DGKI: variants seen among roughly 807,000 people sequenced by gnomAD.
DGKI encodes the protein diacylglycerol kinase iota.
DGKI carries 55 observed loss-of-function variants against 147.5 expected under a neutral mutation model. The observed-to-expected ratio is 0.37, with a 90% CI of 0.30 to 0.47. The LOEUF is 0.47. Among genes scored for constraint, DGKI ranks in the 20% least tolerant of loss-of-function variants. DGKI has a pLI of 1.00. For missense variants in DGKI, 1,007 were observed against 1,323.8 expected, an observed-to-expected ratio of 0.76 and a Z score of 3.71; for synonymous variants, 469 against 477.1, an observed-to-expected ratio of 0.98 and a Z score of 0.22.
In DGKI at chr7:137,388,891, T is replaced by C. The variant is rs1811262127; in HGVS notation, c.*2329A>G. 6.6e-6 allele frequency: 1 copy of C among 152,040 alleles called. No homozygotes were observed. The allele number at this position is 152,040 out of a possible 1,614,324, so 9.4% of individuals were successfully genotyped here. ...TCATTTTTCATAACACAGATTTATG[T>C]CTTCAATTGGAGCTATTTAGAAATT... On this transcript the variant is annotated 3_prime_UTR_variant, in exon 33 of 33. Coordinates refer to ENST00000614521, the MANE Select transcript of DGKI (RefSeq NM_001321708.2).
chr7:137,516,471 C>A (rs989911506), intron 21 of DGKI, among the ~76,000 whole-genome samples: 1 of 152,126 alleles, frequency 6.6e-6, no homozygotes, highest in African/African-American at 2.4e-5. Context: ...TTTTATCTTT[C>A]TTTCATTATT....
At chr7:137,602,679 T>TTAAA (rs1820035167) in intron 10 of DGKI, among the ~76,000 whole-genome samples, 1 of 152,186 alleles carries the variant, frequency 6.6e-6, no homozygotes, top group South Asian at 2.1e-4. Context: ...AAAGCTTTAA[T>TTAAA]AGAGATAATT....
intron 20 of DGKI, among the ~76,000 whole-genome samples, chr7:137,533,575 AC>A (rs934960645): frequency 3.3e-5 from 5 of 152,094 alleles, no homozygotes; most frequent in African/African-American, 1.2e-4. Context: ...ACTCAAGAAA[AC>A]ATACTTGTTT....
intron 1 of DGKI, among the ~76,000 whole-genome samples, chr7:137,720,565 T>C (rs776178607): frequency 5.9e-5 from 9 of 152,132 alleles, no homozygotes; most frequent in South Asian, 2.1e-4. Context: ...GCCGAAAAAG[T>C]CTTGAGTCCT....
intron 21 of DGKI, among the ~76,000 whole-genome samples, chr7:137,516,587 C>T (rs539521047): frequency 6.6e-6 from 1 of 151,828 alleles, no homozygotes; most frequent in Admixed American, 6.6e-5. Flanking sequence ...AAATCAGGAA[C>T]GAATTCTGTT....
chr7:137,748,691 T>C (rs1231648140), intron 1 of DGKI, among the ~76,000 whole-genome samples: 1 of 152,226 alleles, frequency 6.6e-6, no homozygotes, highest in African/African-American at 2.4e-5. Context: ...TTTTCAAAGA[T>C]ATATACCCTT....
chr7:137,601,351 C>T (rs1487999429), intron 10 of DGKI, among the ~76,000 whole-genome samples: 2 of 151,976 alleles, frequency 1.3e-5, no homozygotes, highest in African/African-American at 2.4e-5. Flanking sequence ...CAGTAGGATG[C>T]CCCATTTTAT....
intron 26 of DGKI, among the ~76,000 whole-genome samples, chr7:137,465,672 G>T (rs1276171952): frequency 6.6e-6 from 1 of 152,208 alleles, no homozygotes; most frequent in African/African-American, 2.4e-5. Context: ...TTCTAGGTTT[G>T]TTAGGAAGGG....
intron 1 of DGKI, among the ~76,000 whole-genome samples, chr7:137,731,625 A>T (rs1794888567): frequency 6.6e-6 from 1 of 152,078 alleles, no homozygotes; most frequent in Admixed American, 6.6e-5. Flanking sequence ...TTCTGACAGC[A>T]ATGACACTAT....
chr7:137,665,522 T>C (rs1345454195), intron 3 of DGKI, among the ~76,000 whole-genome samples: 1 of 152,200 alleles, frequency 6.6e-6, no homozygotes, highest in Non-Finnish European at 1.5e-5. Flanking sequence ...ACTCACTTGA[T>C]GCTCTTCGAA....
chr7:137,703,157 T>C (rs548015868), intron 1 of DGKI, among the ~76,000 whole-genome samples: 32 of 152,266 alleles, frequency 2.1e-4, no homozygotes, highest in African/African-American at 7.2e-4. Context: ...CTCCGGAAAC[T>C]TACGATCACG....
At chr7:137,713,236 A>G (rs1794270656) in intron 1 of DGKI, among the ~76,000 whole-genome samples, 2 of 152,188 alleles carry the variant, frequency 1.3e-5, no homozygotes, top group Non-Finnish European at 2.9e-5. Flanking sequence ...AACCAACTGC[A>G]GGACCCCTGC....
At position 137,678,615 on chromosome 7, in the gene DGKI, G is replaced by C; in HGVS notation, c.548C>G (p.Thr183Ser). ...GTAGCAGAGGTCTCCCGAGACGTTGGTCTCCAGCCACAGGTGTTCTCCATT... is the reference window on the plus strand; with the variant it reads ...GTAGCAGAGGTCTCCCGAGACGTTGCTCTCCAGCCACAGGTGTTCTCCATT... ...AVNGEHLWLE[T>S]NVSGDLCYLG... is the part of the protein sequence containing the mutation. The change falls in exon 3 of 33, where the codon ACC becomes AGC. Residue 183 changes from threonine to serine, a missense_variant. Thr to Ser is a moderately conservative substitution (Grantham distance 58). Coordinates refer to ENST00000614521, the MANE Select transcript of DGKI (RefSeq NM_001321708.2). 1.2e-6 allele frequency: 2 copies of C among 1,614,062 alleles called. No individual in the cohort carries two copies. Among genetic ancestry groups the C allele is most frequent in the South Asian group, 2.2e-5 (2 of 91,074 alleles).
intron 1 of DGKI, among the ~76,000 whole-genome samples, chr7:137,737,204 C>CAAAAAAAAAAAAA (rs763572711): frequency 2.4e-5 from 2 of 83,494 alleles, no homozygotes; most frequent in African/African-American, 3.9e-5. Flanking sequence ...CTCATTTCAC[C>CAAAAAAAAAAAAA]AAAAAAAAAA....
At chr7:137,744,450 C>G (rs1795267827) in intron 1 of DGKI, among the ~76,000 whole-genome samples, 1 of 151,998 alleles carries the variant, frequency 6.6e-6, no homozygotes, top group African/African-American at 2.4e-5. Flanking sequence ...GATTTACAAC[C>G]AAATTCTACC....
intron 28 of DGKI, among the ~76,000 whole-genome samples, chr7:137,419,539 G>A (rs1378400582): frequency 2.0e-5 from 3 of 152,080 alleles, no homozygotes; most frequent in Admixed American, 6.5e-5. Context: ...GGCTTAGCTC[G>A]CAAAAAAATG....
At chr7:137,725,603 A>AG (rs1016262088) in intron 1 of DGKI, among the ~76,000 whole-genome samples, 2 of 42,462 alleles carry the variant, frequency 4.7e-5, no homozygotes, top group African/African-American at 5.5e-4. Context: ...TGTTTTCTTT[A>AG]AAAAAAAAAA....
chr7:137,715,514 G>C (rs919682284), intron 1 of DGKI, among the ~76,000 whole-genome samples: 1 of 152,158 alleles, frequency 6.6e-6, no homozygotes, highest in Non-Finnish European at 1.5e-5. Context: ...TTAAAGTCCA[G>C]AAACGTTGTT....
At chr7:137,789,955 G>A (rs751253298) in intron 1 of DGKI, among the ~76,000 whole-genome samples, 3 of 152,100 alleles carry the variant, frequency 2.0e-5, no homozygotes, top group Admixed American at 2.0e-4. Flanking sequence ...GAATTCTCTA[G>A]TTGATATGTT....
Sources: gnomAD v4.1 joint callset for allele counts (sites outside exome capture counted in the v4.1 genomes callset) on GRCh38, gnomAD v4.1.1 for gene constraint, MANE v1.5 for transcripts, NCBI Gene and HGNC (gene_info 2026-07-23, HGNC 2026-07-21) for gene names.